The following FRG1 variants were observed in gnomAD, a reference collection of about 807,000 sequenced individuals.
FRG1 encodes the protein FSHD region gene 1.
FRG1 carries 19 observed loss-of-function variants against 37.0 expected under a neutral mutation model. The observed-to-expected ratio is 0.51, with a 90% confidence interval of 0.36 to 0.75. The LOEUF (loss-of-function observed/expected upper bound fraction) is 0.75, where lower values mean the gene tolerates loss of function less well. Among genes scored for constraint, FRG1 ranks in the 30% least tolerant of loss-of-function variants. The pLI, the probability that FRG1 is intolerant of heterozygous loss-of-function variation, is 0.00. For synonymous variants in FRG1, 73 were observed against 96.5 expected, an observed-to-expected ratio of 0.76 and a Z score of 1.43; for missense variants, 243 against 301.4, an observed-to-expected ratio of 0.81 and a Z score of 1.44.
chr4:189,955,204 G>A, intron 5 of FRG1, 53 bp downstream of exon 5: 1 of 1,046,850 alleles, frequency 9.6e-7, no homozygotes, highest in Non-Finnish European at 1.5e-6. Context: ...CAGAAAGTCT[G>A]TTAACAGTCA....
Position 189,962,567 on chromosome 4 carries a change from T to TA in FRG1, c.741-525dup, listed in dbSNP as rs200239332. ...GCAAAGTTACTCTTACCCTTTTTTT[T>TA]ACATTACTTGATAAAGGCAATGTTT... On this transcript the variant is annotated intron_variant, in intron 8 of 8. Coordinates refer to ENST00000226798, the MANE Select transcript of FRG1 (RefSeq NM_004477.3). Among the ~76,000 whole-genome samples, 961 of 152,294 alleles carry TA rather than the reference T, an allele frequency of 6.3e-3. 15 individuals carry two copies. Among genetic ancestry groups the TA allele is most frequent in the African/African-American group, 0.022 (914 of 41,560 alleles).
chr4:189,947,057 C>T (rs1333322511), intron 2 of FRG1, among the ~76,000 whole-genome samples: 2 of 152,156 alleles, frequency 1.3e-5, no homozygotes, highest in East Asian at 1.9e-4. Context: ...GGTTTCACCA[C>T]GTTGACCAAG....
intron 2 of FRG1, among the ~76,000 whole-genome samples, chr4:189,945,716 C>T (rs1426480942): frequency 6.6e-6 from 1 of 151,738 alleles, no homozygotes; most frequent in Non-Finnish European, 1.5e-5. Flanking sequence ...CTTTTGTATC[C>T]TTTTCTTGTA....
At chr4:189,955,910 T>C (rs1736963824) in intron 5 of FRG1, among the ~76,000 whole-genome samples, 1 of 152,166 alleles carries the variant, frequency 6.6e-6, no homozygotes, top group Non-Finnish European at 1.5e-5. Flanking sequence ...TTTGGTAGTA[T>C]ACACTAATGA....
intron 7 of FRG1, 29 bp downstream of exon 7, chr4:189,960,868 A>G: frequency 1.2e-6 from 2 of 1,600,318 alleles, no homozygotes; most frequent in Non-Finnish European, 1.7e-6. Flanking sequence ...TTAGACCTAC[A>G]GATTTGACAG....
At chr4:189,959,834 A>G in intron 6 of FRG1, 1 of 974,302 alleles carries the variant, frequency 1.0e-6, no homozygotes, top group Middle Eastern at 5.3e-4. Context: ...TTCCTTTACC[A>G]TTTAATTGCA....
chr4:189,960,128 C>A (rs1737166777), intron 6 of FRG1, among the ~76,000 whole-genome samples: 1 of 152,198 alleles, frequency 6.6e-6, no homozygotes, highest in Non-Finnish European at 1.5e-5. Flanking sequence ...TGGACTCTGG[C>A]CACAGAGATC....
intron 2 of FRG1, among the ~76,000 whole-genome samples, chr4:189,951,838 C>T (rs916672258): frequency 3.3e-5 from 5 of 152,074 alleles, no homozygotes; most frequent in African/African-American, 1.2e-4. Flanking sequence ...CTGTATGTTG[C>T]TATTTTATGT....
chr4:189,960,599 C>G (rs1737187021), intron 6 of FRG1, 149 bp from the exon 7 acceptor site: 4 of 892,052 alleles, frequency 4.5e-6, no homozygotes, highest in African/African-American at 1.7e-5. Flanking sequence ...AGTAAAAACA[C>G]ATAGCCAGAA....
chr4:189,960,114 G>T lies in FRG1; in HGVS notation c.538-634G>T, dbSNP rs571944948. Among the ~76,000 whole-genome samples, 1,378 of 152,280 alleles carry T rather than the reference G, an allele frequency of 9.0e-3. 24 individuals carry two copies. The highest frequency in any genetic ancestry group is 0.031 in the African/African-American group (1,281 of 41,546). ...TGTCATCACTTTCTAAGCAGCCCTG[G>T]AACTGGACTCTGGCCACAGAGATCC... On this transcript the variant is annotated intron_variant, in intron 6 of 8. Transcript: ENST00000226798.
At chr4:189,955,234 G>T (rs1561073613) in intron 5 of FRG1, 83 bp downstream of exon 5, 1 of 775,076 alleles carries the variant, frequency 1.3e-6, no homozygotes, top group Non-Finnish European at 2.2e-6. Flanking sequence ...TATTTAAAAA[G>T]AAAAAGTAGG....
intron 2 of FRG1, 51 bp from the exon 3 acceptor site, chr4:189,952,111 C>A: frequency 1.5e-6 from 2 of 1,349,954 alleles, no homozygotes; most frequent in African/African-American, 1.5e-5. Flanking sequence ...AAAAAAAGAA[C>A]TCTGTGTCAA....
chr4:189,947,139 G>A (rs1179714651), intron 2 of FRG1, among the ~76,000 whole-genome samples: 1 of 152,234 alleles, frequency 6.6e-6, no homozygotes, highest in Non-Finnish European at 1.5e-5. Flanking sequence ...GCGGTGCCCG[G>A]CCAGTTCAGT....
intron 7 of FRG1, 172 bp downstream of exon 7, chr4:189,961,011 T>C: frequency 1.6e-6 from 1 of 620,930 alleles, no homozygotes; most frequent in Admixed American, 3.3e-5. Context: ...AAGGCTGCAG[T>C]GAGCTCTGAT....
At chr4:189,954,327 A>G (rs1438958485) in intron 4 of FRG1, among the ~76,000 whole-genome samples, 1 of 152,104 alleles carries the variant, frequency 6.6e-6, no homozygotes, top group African/African-American at 2.4e-5. Context: ...CGATCCAGTT[A>G]TTTCTAGGAA....
intron 1 of FRG1, 86 bp downstream of exon 1, chr4:189,941,157 G>A (rs113486003): frequency 1.6e-6 from 2 of 1,255,042 alleles, no homozygotes; most frequent in Non-Finnish European, 2.3e-6. Flanking sequence ...CCGTGGCGCG[G>A]AGAGCCGGCT....
intron 6 of FRG1, among the ~76,000 whole-genome samples, chr4:189,959,291 C>G (rs1579644274): frequency 6.6e-6 from 1 of 152,036 alleles, no homozygotes; most frequent in East Asian, 1.9e-4. Flanking sequence ...TTGCATGCAC[C>G]CAGCACATGC....
intron 2 of FRG1, among the ~76,000 whole-genome samples, chr4:189,944,773 G>C (rs13121986): frequency 0.28 from 42,313 of 151,994 alleles, 6,070 homozygotes; most frequent in Middle Eastern, 0.42. Context: ...CTGTTTTTCT[G>C]TTGGTATATT....
intron 2 of FRG1, among the ~76,000 whole-genome samples, chr4:189,951,307 G>A (rs1262133749): frequency 6.6e-6 from 1 of 151,966 alleles, no homozygotes; most frequent in Non-Finnish European, 1.5e-5. Flanking sequence ...GGCCAATGTG[G>A]TGAAACCCCG....
Sources: gnomAD v4.1 joint callset for allele counts (sites outside exome capture counted in the v4.1 genomes callset) on GRCh38, gnomAD v4.1.1 for gene constraint, MANE v1.5 for transcripts, NCBI Gene and HGNC (gene_info 2026-07-23, HGNC 2026-07-21) for gene names.